Variants in GAA observed in about 807,000 individuals in gnomAD.
GAA encodes alpha glucosidase.
In GAA, 88 loss-of-function variants were observed where a neutral mutation model predicts 103.9. The ratio of observed to expected loss-of-function variants is 0.85; its 90% CI spans 0.71 to 1.01. The LOEUF (loss-of-function observed/expected upper bound fraction) is 1.01, where lower values mean the gene tolerates loss of function less well. Ranked by LOEUF, GAA falls within the 50% of genes least tolerant of loss-of-function variation. GAA has a pLI of 0.00. For synonymous variants in GAA, 572 were observed against 563.1 expected, an observed-to-expected ratio of 1.02 and a Z score of -0.22; for missense variants, 1,350 against 1,305.3, an observed-to-expected ratio of 1.03 and a Z score of -0.53.
chr17:80,104,448 C>G lies in GAA; in HGVS notation c.-32-107C>G. Reference sequence around the variant, plus strand: ...ACCCTGGCCACCTTACCCCACCTGCCTGGGTGCTGCAGTGCCAGCCGCGGT... The same window carrying G: ...ACCCTGGCCACCTTACCCCACCTGCGTGGGTGCTGCAGTGCCAGCCGCGGT... On this transcript the variant is annotated intron_variant, in intron 1 of 19. Coordinates refer to ENST00000302262, the MANE Select transcript of GAA (RefSeq NM_000152.5). The surrounding 1 kb of genome is among the most constrained non-coding windows in gnomAD (Gnocchi z 4.0). The G allele has an allele frequency of 3.8e-6, 3 of 781,290 alleles. No individual in the cohort carries two copies. Among genetic ancestry groups the G allele is most frequent in the Non-Finnish European group, 6.0e-6 (3 of 497,892 alleles). The allele number at this position is 781,290 out of a possible 1,614,324, so 48.4% of individuals were successfully genotyped here.
At chr17:80,117,516 C>T (rs1339438602) in intron 16 of GAA, 84 bp from the exon 17 acceptor site, 2 of 1,525,508 alleles carry the variant, frequency 1.3e-6, no homozygotes, top group African/African-American at 2.7e-5. Flanking sequence ...ACGTGGAGCC[C>T]CGGGAGATGG....
At chr17:80,109,480 C>T (rs548720887) in intron 8 of GAA, among the ~76,000 whole-genome samples, 54 of 152,322 alleles carry the variant, frequency 3.5e-4, no homozygotes, top group African/African-American at 1.3e-3. Context: ...CTGAAAAGAT[C>T]CAACAGTTCC....
In GAA at chr17:80,118,637, T is replaced by A; in HGVS notation, c.2647-16T>A. On this transcript the variant is annotated splice_polypyrimidine_tract_variant and intron_variant, in intron 18 of 19. Transcript: ENST00000302262. ...TCCACATTCTCTGCCTTTTCATCTC[T>A]CTCTGCTCGGCCCAGAACACGATCG... is the stretch of plus-strand genomic sequence containing the variant. 1 of 1,611,338 alleles carries A rather than the reference T, an allele frequency of 6.2e-7. No homozygotes were observed. The highest frequency in any genetic ancestry group is 8.5e-7 in the Non-Finnish European group (1 of 1,179,994).
chr17:80,105,221 G>C, intron 2 of GAA, 89 bp downstream of exon 2: 1 of 1,289,242 alleles, frequency 7.8e-7, no homozygotes, highest in Non-Finnish European at 1.1e-6. Flanking sequence ...TGGGGTGCAT[G>C]TTGCACCACT....
chr17:80,114,750 G>A (rs1042041830), intron 15 of GAA, among the ~76,000 whole-genome samples: 8 of 152,114 alleles, frequency 5.3e-5, no homozygotes, highest in Non-Finnish European at 1.0e-4. Context: ...TTCTTCATGT[G>A]GCTTTGACTT....
At chr17:80,112,216 C>T (rs1426274269) in intron 12 of GAA, 116 bp downstream of exon 12, 18 of 1,044,438 alleles carry the variant, frequency 1.7e-5, no homozygotes, top group African/African-American at 3.1e-5. Flanking sequence ...ACCCGGGGCC[C>T]GCTGGCGGCC....
chr17:80,102,223 C>T (rs2038970736), intron 1 of GAA: 1 of 152,410 alleles, frequency 6.6e-6, no homozygotes, highest in Admixed American at 6.5e-5. Flanking sequence ...GTGAGGAGCA[C>T]CGTGGCCTGA....
At position 80,107,868 on chromosome 17, in the gene GAA, G is replaced by T. The variant is rs886043779; in HGVS notation, c.927G>T (p.Gly309=). The T allele has an allele frequency of 2.5e-6, 4 of 1,611,596 alleles. No homozygotes were observed. The highest frequency in any genetic ancestry group is 3.4e-6 in the Non-Finnish European group (4 of 1,179,682). ...TGGAGGACGGCGGGTCGGCACACGGGGTGTTCCTGCTAAACAGCAATGCCA... is the reference window on the plus strand; with the variant it reads ...TGGAGGACGGCGGGTCGGCACACGGTGTGTTCCTGCTAAACAGCAATGCCA... ...LALEDGGSAH[G]VFLLNSNAMD... Residue 309 remains glycine (G), a synonymous_variant, in exon 5 of 20, where the codon GGG becomes GGT. Transcript: ENST00000302262.
Position 80,107,722 on chromosome 17 carries a change from G to A in GAA, c.858G>A (p.Thr286=), listed in dbSNP as rs201056962. 1.3e-5 allele frequency: 18 copies of A among 1,349,168 alleles called. No individual in the cohort carries two copies. Among genetic ancestry groups the A allele is most frequent in the African/African-American group, 3.3e-5 (2 of 61,536 alleles). The allele number at this position is 1,349,168 out of a possible 1,614,324, so 83.6% of individuals were successfully genotyped here. ...TGTGGAACCGGGACCTTGCGCCCACGGTACAGCGGCGGGCGGCGGGCGGGG... is the reference window on the plus strand; with the variant it reads ...TGTGGAACCGGGACCTTGCGCCCACAGTACAGCGGCGGGCGGCGGGCGGGG... The part of the protein sequence containing the change: ...ITLWNRDLAP[T]PGANLYGSHP... Residue 286 remains threonine (T), a splice_region_variant and synonymous_variant, in exon 4 of 20, where the codon ACG becomes ACA. Transcript: ENST00000302262.
chr17:80,112,513 C>A (rs2039259660), intron 12 of GAA, 65 bp from the exon 13 acceptor site: 8 of 1,598,292 alleles, frequency 5.0e-6, no homozygotes, highest in Non-Finnish European at 5.1e-6. Context: ...CTCTGCCCTG[C>A]TGGTGACAGG....
At position 80,104,126 on chromosome 17, in the gene GAA, C is replaced by A. The variant is rs186688363; in HGVS notation, c.-32-429C>A. Among the ~76,000 whole-genome samples the A allele has an allele frequency of 1.3e-5, 2 of 152,044 alleles. No homozygotes were observed. The highest frequency in any genetic ancestry group is 2.9e-5 in the Non-Finnish European group (2 of 68,000). ...AAAAATACAGAAAATTAGCTGGGTG[C>A]GGTGGTGTGTGCCTACAGTCCCAGC... On this transcript the variant is annotated intron_variant, in intron 1 of 19. Coordinates refer to ENST00000302262, the MANE Select transcript of GAA (RefSeq NM_000152.5). This position sits in a 1 kb window ranked among gnomAD's most constrained non-coding sequence, Gnocchi z 4.0.
In GAA at chr17:80,105,883, C is replaced by T. The variant is rs780515378; in HGVS notation, c.681C>T (p.Asp227=). The part of the protein sequence containing the change: ...PFGVIVRRQL[D]GRVLLNTTVA... ...GGGTGATCGTGCGCCGGCAGCTGGACGGCCGCGTGCTGTGAGTTCTGGGCT... is the reference window on the plus strand; with the variant it reads ...GGGTGATCGTGCGCCGGCAGCTGGATGGCCGCGTGCTGTGAGTTCTGGGCT... Residue 227 remains aspartate (D), a synonymous_variant, in exon 3 of 20, where the codon GAC becomes GAT. Transcript: ENST00000302262. The T allele has an allele frequency of 1.4e-5, 23 of 1,596,284 alleles. No individual in the cohort carries two copies. Among genetic ancestry groups the T allele is most frequent in the Non-Finnish European group, 1.9e-5 (22 of 1,174,630 alleles).
In GAA at chr17:80,104,783, G is replaced by A. The variant is rs200202628; in HGVS notation, c.197G>A (p.Arg66Gln). Residue 66 changes from arginine (R) to glutamine (Q), a missense_variant, in exon 2 of 20, where the codon CGG becomes CAG. Transcript: ENST00000302262. This position sits in a 1 kb window ranked among gnomAD's most constrained non-coding sequence, Gnocchi z 4.0. ...HQQGASRPGPRDAQAHPGRPR... is the reference protein window; with the variant it reads ...HQQGASRPGPQDAQAHPGRPR... ...CAGGGAGCCAGCAGACCAGGGCCCCGGGATGCCCAGGCACACCCCGGCCGT... is the reference window on the plus strand; with the variant it reads ...CAGGGAGCCAGCAGACCAGGGCCCCAGGATGCCCAGGCACACCCCGGCCGT... The A allele has an allele frequency of 8.6e-5, 139 of 1,611,530 alleles. No individual in the cohort carries two copies. The highest frequency in any genetic ancestry group is 1.7e-4 in the Admixed American group (10 of 59,906).
At chr17:80,107,154 G>A (rs963705649) in intron 3 of GAA, among the ~76,000 whole-genome samples, 1 of 152,208 alleles carries the variant, frequency 6.6e-6, no homozygotes, top group Non-Finnish European at 1.5e-5. Flanking sequence ...AGGCATGGCT[G>A]GGCTGGGATC....
intron 12 of GAA, 200 bp downstream of exon 12, chr17:80,112,300 CTTGG>C (rs2039255797): frequency 1.5e-6 from 1 of 657,832 alleles, no homozygotes; most frequent in African/African-American, 1.8e-5. Flanking sequence ...ATGCCTGGGG[CTTGG>C]AGAGGAAGGA....
intron 5 of GAA, 29 bp from the exon 6 acceptor site, chr17:80,108,261 C>T: frequency 6.2e-7 from 1 of 1,613,310 alleles, no homozygotes; most frequent in Non-Finnish European, 8.5e-7. Context: ...AGAATCTGTC[C>T]CCCAACCCCA....
chr17:80,114,150 T>C (rs2039313228), intron 15 of GAA, among the ~76,000 whole-genome samples: 1 of 150,202 alleles, frequency 6.7e-6, no homozygotes. Flanking sequence ...TGTAAATCTC[T>C]GAATATAAAC....
In GAA at chr17:80,108,365, G is replaced by T; in HGVS notation, c.1031G>T (p.Gly344Val). The change falls in exon 6 of 20, where the codon GGC becomes GTC. Residue 344 changes from glycine (G) to valine (V), a missense_variant. Physicochemically the swap from Gly to Val is moderately radical, Grantham distance 109. Coordinates refer to ENST00000302262, the MANE Select transcript of GAA (RefSeq NM_000152.5). Reference sequence around the variant, plus strand: ...ATCCTGGATGTCTACATCTTCCTGGGCCCAGAGCCCAAGAGCGTGGTGCAG... The same window carrying T: ...ATCCTGGATGTCTACATCTTCCTGGTCCCAGAGCCCAAGAGCGTGGTGCAG... ...GGILDVYIFLGPEPKSVVQQY... is the reference protein window; with the variant it reads ...GGILDVYIFLVPEPKSVVQQY... 1 of 1,613,580 alleles carries T rather than the reference G, an allele frequency of 6.2e-7. No homozygotes were observed. The highest frequency in any genetic ancestry group is 8.5e-7 in the Non-Finnish European group (1 of 1,180,030).
In GAA at chr17:80,117,703, A is replaced by T; in HGVS notation, c.2435A>T (p.Asp812Val). ...GQWVTLPAPL[D>V]TINVHLRAGY... Reference sequence around the variant, plus strand: ...TGGGTGACGCTGCCGGCCCCCCTGGACACCATCAACGTCCACCTCCGGGCT... The same window carrying T: ...TGGGTGACGCTGCCGGCCCCCCTGGTCACCATCAACGTCCACCTCCGGGCT... The change falls in exon 17 of 20, where the codon GAC becomes GTC. Residue 812 changes from aspartate (D) to valine (V), a missense_variant. Transcript: ENST00000302262. 6.2e-7 allele frequency: 1 copy of T among 1,612,204 alleles called. No individual in the cohort carries two copies. Among genetic ancestry groups the T allele is most frequent in the Non-Finnish European group, 8.5e-7 (1 of 1,179,822 alleles).
Sources: gnomAD v4.1 joint callset for allele counts (sites outside exome capture counted in the v4.1 genomes callset) on GRCh38, gnomAD v4.1.1 for gene constraint, Gnocchi (gnomAD v3.1) non-coding constraint, MANE v1.5 for transcripts, NCBI Gene and HGNC (gene_info 2026-07-23, HGNC 2026-07-21) for gene names.